PTPRD: variants seen among roughly 807,000 people sequenced by gnomAD.
The protein encoded by PTPRD is receptor-type tyrosine-protein phosphatase delta.
In PTPRD, 34 loss-of-function variants were observed where a neutral mutation model predicts 214.5. The ratio of observed to expected loss-of-function variants is 0.16; its 90% CI spans 0.12 to 0.21. The LOEUF (loss-of-function observed/expected upper bound fraction) is 0.21, where lower values mean the gene tolerates loss of function less well. Among genes scored for constraint, PTPRD ranks in the 10% least tolerant of loss-of-function variants. PTPRD has a pLI of 1.00. For missense variants in PTPRD, 2,545 were observed against 2,398.7 expected, an observed-to-expected ratio of 1.06 and a Z score of -1.27; for synonymous variants, 1,128 against 845.7, an observed-to-expected ratio of 1.33 and a Z score of -5.79.
intron 3 of PTPRD, among the ~76,000 whole-genome samples, chr9:10,275,051 A>C (rs7869289): frequency 1.3e-5 from 2 of 151,874 alleles, no homozygotes; most frequent in African/African-American, 4.8e-5. Flanking sequence ...AAATCAGGGC[A>C]CTAGTTTTCA....
At chr9:8,987,692 C>A (rs1036754103) in intron 11 of PTPRD, among the ~76,000 whole-genome samples, 2 of 152,150 alleles carry the variant, frequency 1.3e-5, no homozygotes, top group South Asian at 4.2e-4. Context: ...ATGTGGAAGT[C>A]ATTTAACACG....
At chr9:9,883,262 C>T (rs1158752506) in intron 5 of PTPRD, among the ~76,000 whole-genome samples, 1 of 152,146 alleles carries the variant, frequency 6.6e-6, no homozygotes, top group East Asian at 1.9e-4. Flanking sequence ...CTTGTTGCTG[C>T]AAACATCTCA....
chr9:8,441,235 A>C (rs904841166), intron 34 of PTPRD, among the ~76,000 whole-genome samples: 2 of 152,176 alleles, frequency 1.3e-5, no homozygotes, highest in African/African-American at 4.8e-5. Context: ...TACTATGTGA[A>C]AAACAGCCAT....
chr9:8,760,530 A>C (rs2094344566), intron 11 of PTPRD, among the ~76,000 whole-genome samples: 2 of 151,914 alleles, frequency 1.3e-5, no homozygotes, highest in African/African-American at 4.8e-5. Context: ...TTTGAATGTC[A>C]GCATTACAAA....
intron 2 of PTPRD, among the ~76,000 whole-genome samples, chr9:10,603,553 A>C (rs2078517470): frequency 6.6e-6 from 1 of 152,030 alleles, no homozygotes; most frequent in East Asian, 1.9e-4. Context: ...TATTAACTTT[A>C]GGCAACTTAA....
chr9:9,408,787 A>T (rs529864894), intron 8 of PTPRD, among the ~76,000 whole-genome samples: 1 of 152,050 alleles, frequency 6.6e-6, no homozygotes, highest in Non-Finnish European at 1.5e-5. Flanking sequence ...AATAATGAAC[A>T]TAAAACATCC....
Position 9,393,725 on chromosome 9 carries a change from C to G in PTPRD, c.-203+3724G>C, listed in dbSNP as rs114487983. On this transcript the variant is annotated intron_variant, in intron 9 of 45. Coordinates refer to ENST00000381196, the MANE Select transcript of PTPRD (RefSeq NM_002839.4). ...TGGTGAGTAGTTTAAGCTTTCTAATCCTCAGATTCTTGAGCTCTAAAATAC... is the reference window on the plus strand; with the variant it reads ...TGGTGAGTAGTTTAAGCTTTCTAATGCTCAGATTCTTGAGCTCTAAAATAC... Among the ~76,000 whole-genome samples the G allele has an allele frequency of 1.8e-3, 269 of 152,196 alleles. 1 individual carries two copies. The highest frequency in any genetic ancestry group is 6.2e-3 in the African/African-American group (259 of 41,536).
intron 7 of PTPRD, among the ~76,000 whole-genome samples, chr9:9,681,178 T>C (rs2097061421): frequency 2.0e-5 from 3 of 151,812 alleles, no homozygotes; most frequent in Admixed American, 2.0e-4. Flanking sequence ...TTATAAATAA[T>C]GTAATGAAAA....
intron 10 of PTPRD, among the ~76,000 whole-genome samples, chr9:9,084,143 G>A (rs533805333): frequency 6.6e-6 from 1 of 152,176 alleles, no homozygotes; most frequent in South Asian, 2.1e-4. Flanking sequence ...CAAAGACTTG[G>A]AACCAACCCA....
At chr9:10,127,666 A>G (rs1012639836) in intron 3 of PTPRD, among the ~76,000 whole-genome samples, 5 of 152,194 alleles carry the variant, frequency 3.3e-5, no homozygotes, top group Non-Finnish European at 4.4e-5. Flanking sequence ...TTCATCAAAT[A>G]TTATATAAAA....
At chr9:8,719,699 C>G (rs566047044) in intron 12 of PTPRD, among the ~76,000 whole-genome samples, 1 of 151,112 alleles carries the variant, frequency 6.6e-6, no homozygotes, top group Non-Finnish European at 1.5e-5. Flanking sequence ...TGATAGAGAC[C>G]CACAAAGCCA....
At chr9:8,536,729 G>C (rs2077041145) in intron 14 of PTPRD, among the ~76,000 whole-genome samples, 1 of 152,000 alleles carries the variant, frequency 6.6e-6, no homozygotes, top group Admixed American at 6.6e-5. Flanking sequence ...AGTCAGTACA[G>C]AGACCAGAAA....
chr9:9,325,852 T>C (rs1969805235), intron 9 of PTPRD, among the ~76,000 whole-genome samples: 1 of 152,210 alleles, frequency 6.6e-6, no homozygotes, highest in African/African-American at 2.4e-5. Context: ...CTCTTATTAT[T>C]TTGAGATATG....
At chr9:10,204,182 TC>T (rs1204516413) in intron 3 of PTPRD, among the ~76,000 whole-genome samples, 1 of 152,158 alleles carries the variant, frequency 6.6e-6, no homozygotes, top group Non-Finnish European at 1.5e-5. Context: ...TCCTTGCCTT[TC>T]CCAATTACTC....
chr9:10,513,975 C>G (rs1482838054), intron 2 of PTPRD, among the ~76,000 whole-genome samples: 1 of 152,066 alleles, frequency 6.6e-6, no homozygotes, highest in East Asian at 1.9e-4. Context: ...GATGGAGAAT[C>G]AAATGACAAT....
intron 5 of PTPRD, among the ~76,000 whole-genome samples, chr9:9,859,800 G>C (rs930152064): frequency 3.3e-5 from 5 of 152,056 alleles, no homozygotes; most frequent in African/African-American, 7.2e-5. Flanking sequence ...AATTTGTTTT[G>C]GGGGAAGCCA....
At chr9:8,428,730 G>C (rs2094854686) in intron 35 of PTPRD, among the ~76,000 whole-genome samples, 1 of 152,070 alleles carries the variant, frequency 6.6e-6, no homozygotes. Context: ...TATGATTCTT[G>C]AATACATGTC....
chr9:9,532,331 C>G (rs1039934581), intron 8 of PTPRD, among the ~76,000 whole-genome samples: 22 of 152,082 alleles, frequency 1.4e-4, no homozygotes, highest in African/African-American at 2.4e-5. Context: ...AAGTCTGGGA[C>G]AAATGAAAGC....
intron 2 of PTPRD, among the ~76,000 whole-genome samples, chr9:10,499,521 C>T (rs1336603196): frequency 6.6e-6 from 1 of 151,848 alleles, no homozygotes; most frequent in African/African-American, 2.4e-5. Flanking sequence ...AGGCTGCTGT[C>T]AAATGTGACT....
Sources: allele counts gnomAD v4.1 joint callset (sites outside exome capture counted in the v4.1 genomes callset), GRCh38; gene constraint gnomAD v4.1.1; transcripts MANE v1.5; gene names NCBI Gene and HGNC (gene_info 2026-07-23, HGNC 2026-07-21).